The following EREG variants were observed in gnomAD, a reference collection of about 807,000 sequenced individuals.
The protein encoded by EREG is epiregulin, also known as proepiregulin.
In EREG, 23 loss-of-function variants were observed where a neutral mutation model predicts 22.4. The observed-to-expected ratio is 1.03, with a 90% CI of 0.74 to 1.46. EREG has a LOEUF of 1.46. EREG is among the 40% of genes most tolerant of loss of function. The pLI is 0.00. For missense variants in EREG, 226 were observed against 205.9 expected, an observed-to-expected ratio of 1.10 and a Z score of -0.60; for synonymous variants, 100 against 75.4, an observed-to-expected ratio of 1.33 and a Z score of -1.69.
chr4:74,382,888 G>T, intron 4 of EREG, 94 bp downstream of exon 4: 1 of 912,506 alleles, frequency 1.1e-6, no homozygotes, highest in Non-Finnish European at 1.7e-6. Context: ...AAGTATTAGA[G>T]AGATAAGATC....
At chr4:74,377,763 G>A (rs1441748679) in intron 1 of EREG, among the ~76,000 whole-genome samples, 2 of 152,204 alleles carry the variant, frequency 1.3e-5, no homozygotes, top group Non-Finnish European at 2.9e-5. Flanking sequence ...AGGCGGGAAG[G>A]AGGAACTTCC....
At position 74,388,221 on chromosome 4, in the gene EREG, C is replaced by T. The variant is rs1279585632; in HGVS notation, c.*3413C>T. ...CACTTTGTAATTTTTGCTCCAATAT[C>T]CATTCTGTAGACTTTTGAAAAAAAA... On this transcript the variant is annotated 3_prime_UTR_variant, in exon 5 of 5. Transcript: ENST00000244869. 6.6e-6 allele frequency: 1 copy of T among 152,084 alleles called. No individual in the cohort carries two copies. The highest frequency in any genetic ancestry group is 6.6e-5 in the Admixed American group (1 of 15,262). 9.4% of individuals were successfully genotyped at this position (152,084 alleles called of 1,614,324 possible).
intron 1 of EREG, among the ~76,000 whole-genome samples, chr4:74,371,136 A>G (rs1752282809): frequency 6.6e-6 from 1 of 152,152 alleles, no homozygotes; most frequent in African/African-American, 2.4e-5. Context: ...TGAGGGATAC[A>G]ATTTTGCCAA....
At position 74,365,346 on chromosome 4, in the gene EREG, G is replaced by T. The variant is rs779473342; in HGVS notation, c.38G>T (p.Gly13Val). ...AGRRMEMLCA[G>V]RVPALLLCLG... ...AGGAGGATGGAGATGCTCTGTGCCG[G>T]CAGGGTCCCTGCGCTGCTGCTCTGC... The change falls in exon 1 of 5, where the codon GGC becomes GTC. Residue 13 changes from glycine to valine, a missense_variant. By Grantham distance (109) the Gly-to-Val change is moderately radical. Coordinates refer to ENST00000244869, the MANE Select transcript of EREG (RefSeq NM_001432.3). The T allele has an allele frequency of 2.5e-6, 4 of 1,609,794 alleles. No individual in the cohort carries two copies. The highest frequency in any genetic ancestry group is 2.2e-5 in the South Asian group (2 of 91,058).
Position 74,382,538 on chromosome 4 carries a change from G to T in EREG, c.279-107G>T, listed in dbSNP as rs1752496356. 4.9e-6 allele frequency: 4 copies of T among 817,744 alleles called. No homozygotes were observed. The South Asian group carries it at 6.5e-5, about 13-fold the overall frequency. 50.7% of individuals were successfully genotyped at this position (817,744 alleles called of 1,614,324 possible). On this transcript the variant is annotated intron_variant, in intron 3 of 4. Coordinates refer to ENST00000244869, the MANE Select transcript of EREG (RefSeq NM_001432.3). Reference sequence around the variant, plus strand: ...CTCTTTACAATCTTTAGCAAATTTTGTTGATTTCTTGCATTACAGTGTGAT... The same window carrying T: ...CTCTTTACAATCTTTAGCAAATTTTTTTGATTTCTTGCATTACAGTGTGAT...
intron 1 of EREG, among the ~76,000 whole-genome samples, chr4:74,368,653 A>T (rs1019330167): frequency 6.6e-6 from 1 of 152,212 alleles, no homozygotes; most frequent in Non-Finnish European, 1.5e-5. Context: ...TTCCTGGTTA[A>T]TGTTCACGTG....
chr4:74,373,218 T>C (rs996701523), intron 1 of EREG, among the ~76,000 whole-genome samples: 1 of 152,102 alleles, frequency 6.6e-6, no homozygotes, highest in African/African-American at 2.4e-5. Context: ...GACTCACTGA[T>C]TCTTTATTTG....
chr4:74,373,579 G>A (rs1479005610), intron 1 of EREG, among the ~76,000 whole-genome samples: 1 of 149,528 alleles, frequency 6.7e-6, no homozygotes, highest in Non-Finnish European at 1.5e-5. Context: ...AGAAGGCAAG[G>A]TTAGTTTTCT....
In EREG at chr4:74,371,328, A is replaced by C. The variant is rs548739227; in HGVS notation, c.67+5953A>C. ...ATATAAAGCCCATTCTCATGTTTAA[A>C]AAATCAGCTTGGCAATATTTATTGC... On this transcript the variant is annotated intron_variant, in intron 1 of 4. Coordinates refer to ENST00000244869, the MANE Select transcript of EREG (RefSeq NM_001432.3). Among the ~76,000 whole-genome samples, 232 of 152,294 alleles carry C rather than the reference A, an allele frequency of 1.5e-3. 2 individuals carry two copies. Among genetic ancestry groups the C allele is most frequent in the African/African-American group, 5.1e-3 (211 of 41,560 alleles).
At chr4:74,380,900 A>T (rs4694187) in intron 2 of EREG, 114 bp from the exon 3 acceptor site, 896,584 of 1,110,940 alleles carry the variant, frequency 0.81, 363,113 homozygotes, top group African/African-American at 0.88. Context: ...TCTCCTTGAC[A>T]GATTGGCATC....
rs1752294756 is a variant in EREG at position 74,371,796 on chromosome 4, A to AT, written c.67+6422dup. 2.6e-5 allele frequency among the ~76,000 whole-genome samples: 4 copies of AT among 151,934 alleles called. No individual in the cohort carries two copies. The South Asian group carries it at 8.3e-4, about 32-fold the overall frequency. ...ACTCCCTTCATGCCTTCATGCCCAAATGCCACCACAAGCCTGCTGTCCTGC... is the reference window on the plus strand; with the variant it reads ...ACTCCCTTCATGCCTTCATGCCCAAATTGCCACCACAAGCCTGCTGTCCTGC... On this transcript the variant is annotated intron_variant, in intron 1 of 4. Transcript: ENST00000244869.
At chr4:74,374,074 G>A (rs1752339346) in intron 1 of EREG, among the ~76,000 whole-genome samples, 1 of 152,188 alleles carries the variant, frequency 6.6e-6, no homozygotes, top group African/African-American at 2.4e-5. Flanking sequence ...CACAGCAAAA[G>A]TGTGAACAAA....
chr4:74,365,632 C>A (rs1394273710), intron 1 of EREG, among the ~76,000 whole-genome samples: 1 of 148,176 alleles, frequency 6.7e-6, no homozygotes, highest in Non-Finnish European at 1.5e-5. Flanking sequence ...GAAATATCTC[C>A]TTATTAAACA....
At chr4:74,374,454 T>C (rs1407411948) in intron 1 of EREG, among the ~76,000 whole-genome samples, 2 of 152,118 alleles carry the variant, frequency 1.3e-5, no homozygotes, top group African/African-American at 4.8e-5. Context: ...GGGAGGATCA[T>C]TGAGCCCAGG....
rs1752498377 is a variant in EREG, at chr4:74,382,690, A to G, written c.324A>G (p.Leu108=). ...YTGVRCEHFF[L]TVHQPLSKEY... ...GTGTCCGATGTGAACACTTCTTTTT[A>G]ACCGTCCACCAACCTTTAAGCAAAG... is the stretch of plus-strand genomic sequence containing the variant. The change falls in exon 4 of 5, where the codon TTA becomes TTG. Residue 108 remains leucine, a synonymous_variant. Coordinates refer to ENST00000244869, the MANE Select transcript of EREG (RefSeq NM_001432.3). 6.2e-7 allele frequency: 1 copy of G among 1,613,174 alleles called. No individual in the cohort carries two copies. Among genetic ancestry groups the G allele is most frequent in the South Asian group, 1.1e-5 (1 of 91,002 alleles).
intron 3 of EREG, 32 bp from the exon 4 acceptor site, chr4:74,382,613 C>T (rs1315992032): frequency 1.3e-6 from 2 of 1,534,972 alleles, no homozygotes; most frequent in Non-Finnish European, 8.8e-7. Flanking sequence ...TTTTAAGTAA[C>T]TGATCTTTCT....
At position 74,387,146 on chromosome 4, in the gene EREG, A is replaced by C. The variant is rs145102030; in HGVS notation, c.*2338A>C. On this transcript the variant is annotated 3_prime_UTR_variant, in exon 5 of 5. Transcript: ENST00000244869. ...GATTTAAGTATACAGGAGGATGTGAATAGGTTATATGCAAGCACTATGCCC... is the reference window on the plus strand; with the variant it reads ...GATTTAAGTATACAGGAGGATGTGACTAGGTTATATGCAAGCACTATGCCC... 6.6e-6 allele frequency: 1 copy of C among 152,264 alleles called. No homozygotes were observed. Among genetic ancestry groups the C allele is most frequent in the East Asian group, 1.9e-4 (1 of 5,190 alleles). The allele number at this position is 152,264 out of a possible 1,614,324, so 9.4% of individuals were successfully genotyped here.
chr4:74,366,786 C>T (rs1752193961), intron 1 of EREG, among the ~76,000 whole-genome samples: 1 of 152,122 alleles, frequency 6.6e-6, no homozygotes. Flanking sequence ...CATGAAAGTG[C>T]TTACCTCCTT....
At chr4:74,373,059 C>T (rs2110385000) in intron 1 of EREG, among the ~76,000 whole-genome samples, 1 of 150,302 alleles carries the variant, frequency 6.7e-6, no homozygotes, top group African/African-American at 2.5e-5. Flanking sequence ...TCATGATCCA[C>T]CAGCCTCAGC....
Sources: allele counts gnomAD v4.1 joint callset (sites outside exome capture counted in the v4.1 genomes callset), GRCh38; gene constraint gnomAD v4.1.1; transcripts MANE v1.5; gene names NCBI Gene and HGNC (gene_info 2026-07-23, HGNC 2026-07-21).